Variants in EGFR observed in about 807,000 individuals in gnomAD.
The protein encoded by EGFR is avian erythroblastic leukemia viral (v-erb-b) oncogene homolog.
A neutral mutation model predicts 143.0 loss-of-function variants in EGFR; 58 were observed. That is an observed-to-expected ratio of 0.41 (90% CI 0.33 to 0.50). The LOEUF (loss-of-function observed/expected upper bound fraction) is 0.50, where lower values mean the gene tolerates loss of function less well. Ranked by LOEUF, EGFR falls within the 20% of genes least tolerant of loss-of-function variation. The pLI is 0.39. For missense variants in EGFR, 1,307 were observed against 1,579.0 expected (o/e 0.83, Z 2.92); for synonymous variants, 613 against 594.4 (o/e 1.03, Z -0.45).
Position 55,209,217 on chromosome 7 carries a change from C to T in EGFR, c.*3600C>T, listed in dbSNP as rs1331253388. 6.6e-6 allele frequency: 1 copy of T among 152,162 alleles called. No homozygotes were observed. Among genetic ancestry groups the T allele is most frequent in the Non-Finnish European group, 1.5e-5 (1 of 68,032 alleles). 9.4% of individuals were successfully genotyped at this position (152,162 alleles called of 1,614,324 possible). On this transcript the variant is annotated 3_prime_UTR_variant, in exon 28 of 28. Transcript: ENST00000275493. ...GCAACCAGGGTTGAAACCCTTATTT[C>T]TAGGGTCTTCAGTTGTACAAGACTG...
chr7:55,032,237 A>T (rs1287068072), intron 1 of EGFR, among the ~76,000 whole-genome samples: 4 of 152,208 alleles, frequency 2.6e-5, no homozygotes, highest in Non-Finnish European at 5.9e-5. Flanking sequence ...ATACCCAGTG[A>T]TTTTGAAATG....
chr7:55,161,353 G>T (rs1785689906), intron 12 of EGFR, 146 bp from the exon 13 acceptor site: 20 of 1,165,428 alleles, frequency 1.7e-5, no homozygotes, highest in Non-Finnish European at 2.2e-5. Context: ...AGCCCAGTCT[G>T]TGTCCTCCTC....
intron 27 of EGFR, among the ~76,000 whole-genome samples, chr7:55,204,281 A>C (rs1043962870): frequency 1.4e-5 from 2 of 147,278 alleles, no homozygotes; most frequent in African/African-American, 5.0e-5. Context: ...ACACATACAT[A>C]CACATCCACA....
chr7:55,028,973 C>G (rs1787097634), intron 1 of EGFR, among the ~76,000 whole-genome samples: 1 of 151,924 alleles, frequency 6.6e-6, no homozygotes, highest in African/African-American at 2.4e-5. Context: ...GCCTGACCAA[C>G]ATGGTGAAAC....
At chr7:55,200,685 C>A (rs2128970590) in intron 24 of EGFR, 1 of 551,328 alleles carries the variant, frequency 1.8e-6, no homozygotes. Flanking sequence ...AAAGCCTCAG[C>A]TGGGTCTAAG....
At chr7:55,200,258 A>G in intron 23 of EGFR, 58 bp from the exon 24 acceptor site, 3 of 1,501,806 alleles carry the variant, frequency 2.0e-6, no homozygotes, top group African/African-American at 2.7e-5. Context: ...AAGCAATGCC[A>G]TCTTTATCAT....
chr7:55,078,978 CT>C (rs1790299166), intron 1 of EGFR, among the ~76,000 whole-genome samples: 1 of 152,314 alleles, frequency 6.6e-6, no homozygotes, highest in East Asian at 1.9e-4. Context: ...CAGGCGGGTA[CT>C]TCTATTCCGT....
chr7:55,134,496 A>G (rs1431572191), intron 1 of EGFR, among the ~76,000 whole-genome samples: 2 of 152,242 alleles, frequency 1.3e-5, no homozygotes, highest in Non-Finnish European at 2.9e-5. Context: ...TAAAATGGAA[A>G]CGTTATGAGA....
chr7:55,019,283 A>G lies in EGFR; in HGVS notation c.6A>G (p.Arg2=), dbSNP rs2128853281. 1.3e-6 allele frequency: 2 copies of G among 1,500,196 alleles called. No homozygotes were observed. The highest frequency in any genetic ancestry group is 1.2e-5 in the South Asian group (1 of 81,970). 92.9% of individuals were successfully genotyped at this position (1,500,196 alleles called of 1,614,324 possible). A position where few individuals can be genotyped will look rare whatever the true frequency, so the allele number is the denominator to read the frequency against. The change falls in exon 1 of 28, where the codon CGA becomes CGG. Residue 2 remains arginine, a synonymous_variant. Transcript: ENST00000275493. The part of the protein sequence containing the change: M[R]PSGTAGAALL... ...GAGCTCTTCGGGGAGCAGCGATGCG[A>G]CCCTCCGGGACGGCCGGGGCAGCGC...
At chr7:55,027,432 G>A (rs1209903745) in intron 1 of EGFR, among the ~76,000 whole-genome samples, 1 of 152,218 alleles carries the variant, frequency 6.6e-6, no homozygotes, top group Admixed American at 6.5e-5. Context: ...TCTTATTAAA[G>A]TAGATGCTAA....
At chr7:55,024,382 T>G (rs568458451) in intron 1 of EGFR, among the ~76,000 whole-genome samples, 37 of 152,306 alleles carry the variant, frequency 2.4e-4, no homozygotes, top group Admixed American at 1.3e-3. Context: ...GGGAGTAGAA[T>G]TTCTCTCTCT....
At chr7:55,151,211 G>A (rs1389801605) in intron 4 of EGFR, 83 bp from the exon 5 acceptor site, 31 of 1,344,510 alleles carry the variant, frequency 2.3e-5, no homozygotes, top group East Asian at 1.6e-4. Context: ...TTTATTGAAT[G>A]TGCTTAACTC....
At chr7:55,156,006 A>G (rs1346915218) in intron 8 of EGFR, 60 bp downstream of exon 8, 2 of 1,175,268 alleles carry the variant, frequency 1.7e-6, no homozygotes, top group Admixed American at 1.9e-5. Flanking sequence ...CTGGGCTCTC[A>G]TGCCACCTCC....
intron 1 of EGFR, among the ~76,000 whole-genome samples, chr7:55,096,524 T>C (rs1374727997): frequency 6.6e-6 from 1 of 152,038 alleles, no homozygotes; most frequent in Non-Finnish European, 1.5e-5. Flanking sequence ...CTGTGATAAG[T>C]TCTGTTTATG....
At chr7:55,028,025 T>TATATACACAC (rs869080650) in intron 1 of EGFR, among the ~76,000 whole-genome samples, 1 of 101,652 alleles carries the variant, frequency 9.8e-6, no homozygotes, top group African/African-American at 4.8e-5. Flanking sequence ...TATATATATA[T>TATATACACAC]ACACACACAC....
rs17335843 is a variant in EGFR, at chr7:55,055,062, G to A, written c.88+35697G>A. Among the ~76,000 whole-genome samples, 276 of 152,272 alleles carry A rather than the reference G, an allele frequency of 1.8e-3. 4 individuals carry two copies. The highest frequency in any genetic ancestry group is 4.8e-3 in the African/African-American group (199 of 41,542). On this transcript the variant is annotated intron_variant, in intron 1 of 27. Coordinates refer to ENST00000275493, the MANE Select transcript of EGFR (RefSeq NM_005228.5). ...TGGACTGCCTCATTTCCCCGATGGG[G>A]GGTTTCCCTGACTTCATCCATCCTG...
intron 26 of EGFR, among the ~76,000 whole-genome samples, chr7:55,202,113 G>A (rs1014639783): frequency 6.6e-5 from 10 of 152,140 alleles, no homozygotes; most frequent in Non-Finnish European, 8.8e-5. Flanking sequence ...GTGTGAGGCC[G>A]TGGTCTAGAC....
intron 16 of EGFR, among the ~76,000 whole-genome samples, chr7:55,172,101 A>T (rs17337051): frequency 0.071 from 10,747 of 152,100 alleles, 563 homozygotes; most frequent in African/African-American, 0.15. Context: ...CCCACTCCAC[A>T]CTGCAATCTC....
chr7:55,199,014 C>G, intron 23 of EGFR, 151 bp downstream of exon 23: 1 of 1,033,096 alleles, frequency 9.7e-7, no homozygotes, highest in Non-Finnish European at 1.4e-6. Context: ...AATACCCCTT[C>G]AAGCATTCTT....
Sources: allele counts gnomAD v4.1 joint callset (sites outside exome capture counted in the v4.1 genomes callset), GRCh38; gene constraint gnomAD v4.1.1; transcripts MANE v1.5; gene names NCBI Gene and HGNC (gene_info 2026-07-23, HGNC 2026-07-21).